WWOX: variants seen among roughly 807,000 people sequenced by gnomAD.
The protein encoded by WWOX is WW domain containing oxidoreductase, also known as WW domain-containing oxidoreductase.
In WWOX, 69 loss-of-function variants were observed where a neutral mutation model predicts 46.2. The observed-to-expected ratio is 1.49, with a 90% CI of 1.23 to 1.82. WWOX has a LOEUF of 1.82. WWOX is among the 40% of genes most tolerant of loss of function. WWOX has a pLI of 0.00. For synonymous variants in WWOX, 359 were observed against 202.6 expected (o/e 1.77, Z -6.56); for missense variants, 919 against 542.6 (o/e 1.69, Z -6.89).
intron 8 of WWOX, among the ~76,000 whole-genome samples, chr16:78,858,144 TTGTGTGTGTGTG>T (rs59637371): frequency 6.7e-6 from 1 of 148,540 alleles, no homozygotes; most frequent in Non-Finnish European, 1.5e-5. Context: ...CATTGTGTGT[TTGTGTGTGTGTG>T]TGTGTGTGTG....
At chr16:78,918,032 C>A (rs1275927394) in intron 8 of WWOX, among the ~76,000 whole-genome samples, 1 of 151,900 alleles carries the variant, frequency 6.6e-6, no homozygotes, top group Non-Finnish European at 1.5e-5. Flanking sequence ...TGAGACCCCA[C>A]CTCTACAAAA....
chr16:78,292,615 A>G (rs764936439), intron 5 of WWOX, among the ~76,000 whole-genome samples: 2 of 152,012 alleles, frequency 1.3e-5, no homozygotes, highest in Non-Finnish European at 2.9e-5. Flanking sequence ...TATGTTCTAT[A>G]TCTTTTTTTT....
chr16:79,153,050 A>T (rs564518571), intron 8 of WWOX, among the ~76,000 whole-genome samples: 25 of 152,316 alleles, frequency 1.6e-4, no homozygotes, highest in African/African-American at 5.8e-4. Flanking sequence ...CTGCAGAGCG[A>T]GCGGAGGCCT....
chr16:78,449,382 G>C (rs1389055741), intron 8 of WWOX, among the ~76,000 whole-genome samples: 1 of 152,160 alleles, frequency 6.6e-6, no homozygotes, highest in African/African-American at 2.4e-5. Context: ...AAGGGGAAAG[G>C]ATTTCACAGT....
intron 6 of WWOX, among the ~76,000 whole-genome samples, chr16:78,400,023 T>C (rs2082374661): frequency 1.3e-5 from 2 of 152,344 alleles, no homozygotes; most frequent in South Asian, 4.1e-4. Flanking sequence ...GTGTTTTTAA[T>C]ATTGTGAGTC....
chr16:79,092,736 G>A (rs1205155643), intron 8 of WWOX, among the ~76,000 whole-genome samples: 3 of 152,100 alleles, frequency 2.0e-5, no homozygotes, highest in African/African-American at 7.2e-5. Context: ...CAAAAATGAG[G>A]GTTTTTGGAG....
chr16:78,580,309 A>G (rs1181961886), intron 8 of WWOX, among the ~76,000 whole-genome samples: 2 of 152,106 alleles, frequency 1.3e-5, no homozygotes, highest in Non-Finnish European at 2.9e-5. Flanking sequence ...CCTGCAGTAC[A>G]GTATTGCACC....
chr16:79,145,147 A>AT (rs982145455), intron 8 of WWOX, among the ~76,000 whole-genome samples: 66 of 152,234 alleles, frequency 4.3e-4, no homozygotes, highest in African/African-American at 1.4e-3. Context: ...AACTAATTAA[A>AT]TTTTCATGTC....
intron 8 of WWOX, among the ~76,000 whole-genome samples, chr16:78,697,776 T>C (rs142328350): frequency 1.9e-4 from 29 of 152,276 alleles, no homozygotes; most frequent in African/African-American, 7.0e-4. Context: ...CTTATGGTAT[T>C]TTCAACTCGG....
intron 8 of WWOX, among the ~76,000 whole-genome samples, chr16:78,833,241 C>G (rs2051881351): frequency 6.6e-6 from 1 of 152,022 alleles, no homozygotes; most frequent in Non-Finnish European, 1.5e-5. Context: ...ATGGGGCTTG[C>G]TTGCTTTTTT....
chr16:79,006,604 C>G (rs1404443049), intron 8 of WWOX, among the ~76,000 whole-genome samples: 1 of 151,882 alleles, frequency 6.6e-6, no homozygotes, highest in Admixed American at 6.6e-5. Flanking sequence ...AATGTACCGT[C>G]TTAAAAACCT....
At chr16:78,647,009 T>G (rs1026077877) in intron 8 of WWOX, among the ~76,000 whole-genome samples, 1 of 152,114 alleles carries the variant, frequency 6.6e-6, no homozygotes, top group Non-Finnish European at 1.5e-5. Context: ...GATATACAGA[T>G]GTCATCAAGA....
intron 8 of WWOX, among the ~76,000 whole-genome samples, chr16:79,197,630 G>A (rs1031257547): frequency 2.6e-5 from 4 of 152,158 alleles, no homozygotes; most frequent in African/African-American, 9.7e-5. Context: ...AGGTGGTTGT[G>A]GTGATAATCT....
chr16:78,162,504 C>G (rs1012386692), intron 4 of WWOX, among the ~76,000 whole-genome samples: 1 of 148,634 alleles, frequency 6.7e-6, no homozygotes, highest in African/African-American at 2.5e-5. Flanking sequence ...TACATTTCTG[C>G]TTGTAGCTTG....
chr16:78,109,939 C>T lies in WWOX; in HGVS notation c.230+104C>T, dbSNP rs79221901. 5,093 of 1,206,542 alleles carry T rather than the reference C, an allele frequency of 4.2e-3. 175 individuals carry two copies. The African/African-American group carries it at 0.07, about 17-fold the overall frequency. The allele number at this position is 1,206,542 out of a possible 1,614,324, so 74.7% of individuals were successfully genotyped here. A position where few individuals can be genotyped will look rare whatever the true frequency, so the allele number is the denominator to read the frequency against. Reference sequence around the variant, plus strand: ...AACTGTAGAAAAATACAAAGTATAACAGTGTGTATCTGTAATCTTAGCAGA... The same window carrying T: ...AACTGTAGAAAAATACAAAGTATAATAGTGTGTATCTGTAATCTTAGCAGA... On this transcript the variant is annotated intron_variant, in intron 3 of 8. Transcript: ENST00000566780.
At position 78,921,324 on chromosome 16, in the gene WWOX, C is replaced by T. The variant is rs1371467149; in HGVS notation, c.1057-290284C>T. Among the ~76,000 whole-genome samples, 4 of 152,154 alleles carry T rather than the reference C, an allele frequency of 2.6e-5. No individual in the cohort carries two copies. The South Asian group carries it at 6.2e-4, about 24-fold the overall frequency. ...ACTTTTCACTGACTAAAACCATTTG[C>T]TAATGAAAGTTCTAGCTGACATAAT... is the stretch of plus-strand genomic sequence containing the variant. On this transcript the variant is annotated intron_variant, in intron 8 of 8. Transcript: ENST00000566780.
chr16:78,145,677 C>A (rs541536965), intron 4 of WWOX, among the ~76,000 whole-genome samples: 114 of 152,262 alleles, frequency 7.5e-4, no homozygotes, highest in Non-Finnish European at 9.7e-4. Context: ...TCCTTCAATC[C>A]AATCACATTG....
Position 79,018,580 on chromosome 16 carries a change from T to A in WWOX, c.1057-193028T>A, listed in dbSNP as rs1003778759. On this transcript the variant is annotated intron_variant, in intron 8 of 8. Coordinates refer to ENST00000566780, the MANE Select transcript of WWOX (RefSeq NM_016373.4). ...GGCTGTCTGTATTGATCCAATTAAA[T>A]AGATAATTGTCAGAATCGAGGTCAT... 6.6e-5 allele frequency among the ~76,000 whole-genome samples: 10 copies of A among 152,106 alleles called. No individual in the cohort carries two copies. The South Asian group carries it at 2.1e-3, about 32-fold the overall frequency.
At chr16:78,811,087 C>G (rs188744120) in intron 8 of WWOX, among the ~76,000 whole-genome samples, 3 of 152,276 alleles carry the variant, frequency 2.0e-5, no homozygotes, top group East Asian at 3.9e-4. Flanking sequence ...GACAACTCCT[C>G]TTCTCGTCTG....
Sources: gnomAD v4.1 joint callset for allele counts (sites outside exome capture counted in the v4.1 genomes callset) on GRCh38, gnomAD v4.1.1 for gene constraint, MANE v1.5 for transcripts, NCBI Gene and HGNC (gene_info 2026-07-23, HGNC 2026-07-21) for gene names.